Variants in SMAP1 observed in about 807,000 individuals in gnomAD.
SMAP1 encodes the protein small ArfGAP 1.
Under a neutral mutation model 58.5 loss-of-function variants are expected in SMAP1, and 24 were observed. That is an observed-to-expected ratio of 0.41 (90% CI 0.30 to 0.58). The LOEUF (loss-of-function observed/expected upper bound fraction) is 0.58, where lower values mean the gene tolerates loss of function less well. SMAP1 is among the 20% of genes least tolerant of loss of function. The probability of loss-of-function intolerance (pLI) is 0.29; values close to 1 mark genes in which losing one functional copy is unlikely to be tolerated. For synonymous variants in SMAP1, 216 were observed against 196.6 expected (o/e 1.10, Z -0.82); for missense variants, 563 against 566.3 (o/e 0.99, Z 0.06).
At position 70,838,526 on chromosome 6, in the gene SMAP1, CG is replaced by C. The variant is rs1410491936; in HGVS notation, c.664+1504del. On this transcript the variant is annotated intron_variant, in intron 7 of 10. Coordinates refer to ENST00000370455, the MANE Select transcript of SMAP1 (RefSeq NM_001044305.3). ...TGGTTGTAATTTTAAATAGGGTGGA[CG>C]GGGGGCATTCACAGATGTCTTATTG... 3.9e-5 allele frequency among the ~76,000 whole-genome samples: 6 copies of C among 152,140 alleles called. 1 individual carries two copies. In the South Asian group the frequency reaches 1.2e-3, roughly 32 times the overall value.
At chr6:70,830,205 A>G (rs1770303330) in intron 6 of SMAP1, among the ~76,000 whole-genome samples, 1 of 152,220 alleles carries the variant, frequency 6.6e-6, no homozygotes, top group African/African-American at 2.4e-5. Context: ...TTAAAAGACA[A>G]ATTTCCTATG....
chr6:70,677,163 C>T (rs1766513060), intron 1 of SMAP1, among the ~76,000 whole-genome samples: 1 of 147,108 alleles, frequency 6.8e-6, no homozygotes, highest in South Asian at 2.2e-4. Flanking sequence ...TTTGTTTTGT[C>T]TTCATATATA....
At chr6:70,843,960 A>C (rs1005219675) in intron 7 of SMAP1, among the ~76,000 whole-genome samples, 2 of 152,188 alleles carry the variant, frequency 1.3e-5, no homozygotes, top group Non-Finnish European at 2.9e-5. Flanking sequence ...AATTATGCTG[A>C]GTAACACACA....
intron 1 of SMAP1, among the ~76,000 whole-genome samples, chr6:70,728,797 A>G (rs1464240895): frequency 6.6e-6 from 1 of 152,230 alleles, no homozygotes; most frequent in African/African-American, 2.4e-5. Flanking sequence ...GCGAGAGTGT[A>G]AACTGGTAAT....
At chr6:70,746,227 G>A (rs1261252528) in intron 2 of SMAP1, among the ~76,000 whole-genome samples, 1 of 152,196 alleles carries the variant, frequency 6.6e-6, no homozygotes, top group African/African-American at 2.4e-5. Context: ...GGAGTGGTGA[G>A]AGAGGGCATC....
intron 3 of SMAP1, among the ~76,000 whole-genome samples, chr6:70,757,568 C>A (rs1766550107): frequency 6.6e-6 from 1 of 151,528 alleles, no homozygotes. Flanking sequence ...AAACTACCAT[C>A]AGAGTGAACA....
intron 7 of SMAP1, among the ~76,000 whole-genome samples, chr6:70,851,754 A>T (rs1484734573): frequency 6.6e-6 from 1 of 152,198 alleles, no homozygotes; most frequent in Non-Finnish European, 1.5e-5. Context: ...TTGAAATTAC[A>T]GTTTTAAAAA....
chr6:70,811,172 A>C (rs1163877463), intron 6 of SMAP1, among the ~76,000 whole-genome samples: 1 of 152,216 alleles, frequency 6.6e-6, no homozygotes, highest in Non-Finnish European at 1.5e-5. Context: ...ACTGTTTACT[A>C]GATGTCTAAC....
chr6:70,767,022 G>T (rs1281998228), intron 3 of SMAP1, among the ~76,000 whole-genome samples: 1 of 151,896 alleles, frequency 6.6e-6, no homozygotes, highest in Non-Finnish European at 1.5e-5. Context: ...CCCATTGCTT[G>T]TTTTTCTCAG....
intron 1 of SMAP1, among the ~76,000 whole-genome samples, chr6:70,675,770 T>C (rs1284458484): frequency 2.6e-5 from 4 of 152,046 alleles, no homozygotes; most frequent in Admixed American, 2.6e-4. Context: ...TGTTAGTCAT[T>C]GGTGTGGAGA....
At chr6:70,811,644 A>G (rs1419189779) in intron 6 of SMAP1, among the ~76,000 whole-genome samples, 3 of 152,138 alleles carry the variant, frequency 2.0e-5, no homozygotes, top group Non-Finnish European at 4.4e-5. Context: ...CATGATTTGC[A>G]TATAACTTAT....
At chr6:70,700,120 C>T (rs543067584) in intron 1 of SMAP1, among the ~76,000 whole-genome samples, 1 of 152,066 alleles carries the variant, frequency 6.6e-6, no homozygotes, top group African/African-American at 2.4e-5. Context: ...AGTGAGTTCT[C>T]ATGAGATATG....
chr6:70,756,941 G>A (rs1766516539), intron 3 of SMAP1, among the ~76,000 whole-genome samples: 1 of 151,998 alleles, frequency 6.6e-6, no homozygotes, highest in Non-Finnish European at 1.5e-5. Flanking sequence ...TGGCCATACT[G>A]CCCAAGGTGA....
rs550708101 is a variant in SMAP1, at chr6:70,809,800, T to G, written c.576+11063T>G. ...GAAGATTCTTTATATTTTCCTCAAA[T>G]CTTTACATTTCTAGCTTAAAGCTAG... On this transcript the variant is annotated intron_variant, in intron 6 of 10. Transcript: ENST00000370455. 3.9e-5 allele frequency among the ~76,000 whole-genome samples: 6 copies of G among 152,350 alleles called. No homozygotes were observed. In the South Asian group the frequency reaches 1.2e-3, roughly 32 times the overall value.
chr6:70,769,272 T>G (rs1430317152), intron 3 of SMAP1, among the ~76,000 whole-genome samples: 1 of 152,214 alleles, frequency 6.6e-6, no homozygotes, highest in Non-Finnish European at 1.5e-5. Flanking sequence ...TAAGTCCGCT[T>G]GGTGCAGAGC....
At chr6:70,854,569 C>T (rs557405195) in intron 8 of SMAP1, among the ~76,000 whole-genome samples, 12 of 151,680 alleles carry the variant, frequency 7.9e-5, no homozygotes, top group East Asian at 1.9e-4. Context: ...TTGCAGTGAG[C>T]GGAGATCACG....
chr6:70,800,590 A>G (rs1210612628), intron 6 of SMAP1, among the ~76,000 whole-genome samples: 3 of 152,128 alleles, frequency 2.0e-5, no homozygotes, highest in Non-Finnish European at 4.4e-5. Flanking sequence ...ACAGGTATAC[A>G]TGTGCCATGT....
chr6:70,811,442 C>T (rs779621051), intron 6 of SMAP1, among the ~76,000 whole-genome samples: 9 of 152,032 alleles, frequency 5.9e-5, no homozygotes, highest in Non-Finnish European at 1.3e-4. Context: ...AACTGGGTCT[C>T]GATAGAAGAA....
chr6:70,791,559 C>T, intron 4 of SMAP1, 130 bp from the exon 5 acceptor site: 1 of 626,000 alleles, frequency 1.6e-6, no homozygotes, highest in Non-Finnish European at 2.7e-6. Flanking sequence ...CATTGTTTTA[C>T]TTTATTAACA....
Sources: allele counts gnomAD v4.1 joint callset (sites outside exome capture counted in the v4.1 genomes callset), GRCh38; gene constraint gnomAD v4.1.1; transcripts MANE v1.5; gene names NCBI Gene and HGNC (gene_info 2026-07-23, HGNC 2026-07-21).